Variants in BIRC6 observed in about 807,000 individuals in gnomAD.
The protein encoded by BIRC6 is dual E2 ubiquitin-conjugating enzyme/E3 ubiquitin-protein ligase BIRC6.
In BIRC6, 98 loss-of-function variants were observed where a neutral mutation model predicts 503.3. That is an observed-to-expected ratio of 0.19 (90% confidence interval 0.17 to 0.23). BIRC6 has a LOEUF of 0.23. Among genes scored for constraint, BIRC6 ranks in the 10% least tolerant of loss-of-function variants. BIRC6 has a pLI of 1.00. For missense variants in BIRC6, 5,360 were observed against 5,806.0 expected (o/e 0.92, Z 2.50); for synonymous variants, 2,240 against 2,078.7 (o/e 1.08, Z -2.11).
chr2:32,463,161 T>C, intron 23 of BIRC6, 33 bp from the exon 24 acceptor site: 1 of 1,544,446 alleles, frequency 6.5e-7, no homozygotes, highest in Non-Finnish European at 8.7e-7. Flanking sequence ...CTGGTGTTTT[T>C]TGTTTTTGTT....
chr2:32,598,507 G>C (rs143606477), intron 69 of BIRC6, among the ~76,000 whole-genome samples: 1 of 151,936 alleles, frequency 6.6e-6, no homozygotes, highest in African/African-American at 2.4e-5. Context: ...GTGAATTATA[G>C]GTAATACAAT....
At chr2:32,478,038 T>C (rs72800812) in intron 35 of BIRC6, among the ~76,000 whole-genome samples, 4,735 of 152,256 alleles carry the variant, frequency 0.031, 112 homozygotes, top group Non-Finnish European at 0.05. Context: ...AAGTGTCAAA[T>C]TATATTAAAG....
intron 21 of BIRC6, 122 bp from the exon 22 acceptor site, chr2:32,448,673 G>C (rs1047878503): frequency 1.4e-6 from 1 of 731,808 alleles, no homozygotes. Context: ...GAGGGGAGAG[G>C]GGAGAGGGGA....
At chr2:32,532,282 G>A (rs72800834) in intron 61 of BIRC6, 1 of 488,846 alleles carries the variant, frequency 2.0e-6, no homozygotes, top group African/African-American at 2.0e-5. Context: ...CAATAGTTGA[G>A]GAGGCTGTAA....
chr2:32,518,599 T>C (rs1434940121), intron 56 of BIRC6, among the ~76,000 whole-genome samples: 1 of 152,170 alleles, frequency 6.6e-6, no homozygotes, highest in African/African-American at 2.4e-5. Flanking sequence ...TACCTTAGCC[T>C]GAGAAGTATA....
intron 33 of BIRC6, among the ~76,000 whole-genome samples, chr2:32,473,866 G>A (rs1166514443): frequency 3.3e-5 from 5 of 149,612 alleles, no homozygotes; most frequent in Non-Finnish European, 5.9e-5. Flanking sequence ...CAGTCCTCCC[G>A]CCTTAGCTTT....
chr2:32,390,699 G>T (rs1380291059), intron 4 of BIRC6, among the ~76,000 whole-genome samples: 1 of 152,198 alleles, frequency 6.6e-6, no homozygotes, highest in Non-Finnish European at 1.5e-5. Flanking sequence ...TAAATAGTAT[G>T]TGCAGATGTT....
At chr2:32,599,644 C>A in intron 69 of BIRC6, 95 bp from the exon 70 acceptor site, 1 of 1,335,124 alleles carries the variant, frequency 7.5e-7, no homozygotes, top group South Asian at 1.4e-5. Flanking sequence ...TCTCCAAAAA[C>A]GAAGGTTGTT....
intron 22 of BIRC6, among the ~76,000 whole-genome samples, chr2:32,450,936 T>TC (rs1474430818): frequency 6.6e-6 from 1 of 152,212 alleles, no homozygotes; most frequent in African/African-American, 2.4e-5. Context: ...TTCATTTTTT[T>TC]CCCCTGAATA....
intron 11 of BIRC6, among the ~76,000 whole-genome samples, chr2:32,430,520 A>G (rs1244386913): frequency 6.6e-6 from 1 of 152,162 alleles, no homozygotes; most frequent in Non-Finnish European, 1.5e-5. Context: ...GGTCTGATGT[A>G]CATTGGCTTG....
intron 3 of BIRC6, among the ~76,000 whole-genome samples, chr2:32,387,709 G>A (rs2038674910): frequency 6.6e-6 from 1 of 152,138 alleles, no homozygotes; most frequent in South Asian, 2.1e-4. Context: ...ATATACCCCA[G>A]TAATGGTAAT....
chr2:32,453,900 G>T lies in BIRC6; in HGVS notation c.4711G>T (p.Val1571Leu), dbSNP rs1405317388. The change falls in exon 23 of 74, where the codon GTG becomes TTG. Residue 1571 changes from valine to leucine, a missense_variant. Val to Leu is a conservative substitution (Grantham distance 32). Coordinates refer to ENST00000421745, the MANE Select transcript of BIRC6 (RefSeq NM_016252.4). ...LEVEPLHFTC[V>L]STSDGTRIER... ...AGTTGAACCTCTGCACTTTACTTGT[G>T]TGTCAACTAGTGATGGAACCAGAAT... The T allele has an allele frequency of 6.2e-7, 1 of 1,613,534 alleles. No homozygotes were observed. The highest frequency in any genetic ancestry group is 8.5e-7 in the Non-Finnish European group (1 of 1,179,504).
intron 57 of BIRC6, 98 bp from the exon 58 acceptor site, chr2:32,524,790 G>C: frequency 1.1e-6 from 1 of 904,820 alleles, no homozygotes; most frequent in Non-Finnish European, 1.5e-6. Context: ...TAGTATTAAG[G>C]ATAATATTAT....
chr2:32,443,742 G>A (rs1200833987), intron 20 of BIRC6, among the ~76,000 whole-genome samples, 154 bp downstream of exon 20: 1 of 152,148 alleles, frequency 6.6e-6, no homozygotes, highest in African/African-American at 2.4e-5. Context: ...ATTGTAGCTG[G>A]GTGGTCATAT....
intron 1 of BIRC6, among the ~76,000 whole-genome samples, chr2:32,377,319 G>C (rs1218466319): frequency 6.7e-6 from 1 of 149,538 alleles, no homozygotes; most frequent in Non-Finnish European, 1.5e-5. Context: ...CTATACTGTT[G>C]CTGTGTTTAT....
Position 32,449,025 on chromosome 2 carries a change from T to C in BIRC6, c.4618+97T>C, listed in dbSNP as rs535765536. ...GATTATAGTCATGATGTTTTGTCTT[T>C]AGAAAACTAAAATTCCTTAGAACTT... On this transcript the variant is annotated intron_variant, in intron 22 of 73. Transcript: ENST00000421745. 1,029 of 1,205,216 alleles carry C rather than the reference T, an allele frequency of 8.5e-4. 1 individual carries two copies. Among genetic ancestry groups the C allele is most frequent in the East Asian group, 1.9e-3 (76 of 41,048 alleles). The allele number at this position is 1,205,216 out of a possible 1,614,324, so 74.7% of individuals were successfully genotyped here. A position where few individuals can be genotyped will look rare whatever the true frequency, so the allele number is the denominator to read the frequency against.
chr2:32,484,282 G>C lies in BIRC6; in HGVS notation c.7697-1361G>C, dbSNP rs565129925. Among the ~76,000 whole-genome samples the C allele has an allele frequency of 0.032, 14 of 436 alleles. No homozygotes were observed. In the East Asian group the frequency reaches 0.33, roughly 10 times the overall value. The allele number at this position is 436 out of a possible 152,430, so 0.3% of individuals were successfully genotyped here. ...TTTGAAAAAATTACTGGCCAGGTGC[G>C]GTGGTCACGCCTGTAATCCCAGCAC... On this transcript the variant is annotated intron_variant, in intron 39 of 73. Transcript: ENST00000421745.
intron 12 of BIRC6, among the ~76,000 whole-genome samples, chr2:32,433,107 C>T (rs1473019394): frequency 2.0e-5 from 3 of 152,020 alleles, no homozygotes; most frequent in Non-Finnish European, 4.4e-5. Context: ...CAGGTTTTGG[C>T]CTGAGTTCAC....
chr2:32,478,064 G>T (rs988253850), intron 35 of BIRC6, among the ~76,000 whole-genome samples: 5 of 152,042 alleles, frequency 3.3e-5, no homozygotes, highest in African/African-American at 1.2e-4. Context: ...CTTTTGACTG[G>T]GTGTGGTGCT....
Sources: gnomAD v4.1 joint callset for allele counts (sites outside exome capture counted in the v4.1 genomes callset) on GRCh38, gnomAD v4.1.1 for gene constraint, MANE v1.5 for transcripts, NCBI Gene and HGNC (gene_info 2026-07-23, HGNC 2026-07-21) for gene names.